The following GRM4 variants were observed in gnomAD, a reference collection of about 807,000 sequenced individuals.
The protein encoded by GRM4 is glutamate metabotropic receptor 4.
GRM4 carries 28 observed loss-of-function variants against 81.7 expected under a neutral mutation model. That is an observed-to-expected ratio of 0.34 (90% CI 0.25 to 0.47). GRM4 has a LOEUF of 0.47. GRM4 is among the 20% of genes least tolerant of loss of function. The pLI, the probability that GRM4 is intolerant of heterozygous loss-of-function variation, is 1.00. For synonymous variants in GRM4, 488 were observed against 528.8 expected, an observed-to-expected ratio of 0.92 and a Z score of 1.06; for missense variants, 948 against 1,290.0, an observed-to-expected ratio of 0.73 and a Z score of 4.06.
rs1767419734 is a variant in GRM4, at chr6:34,078,295, A to G, written c.736+13588T>C. 6.6e-6 allele frequency among the ~76,000 whole-genome samples: 1 copy of G among 151,856 alleles called. No homozygotes were observed. Among genetic ancestry groups the G allele is most frequent in the Admixed American group, 6.6e-5 (1 of 15,256 alleles). ...TTCTTCTCTGTCTCCCCCCAAATAC[A>G]CACTCTCTTCGATCATTGCACAGCC... On this transcript the variant is annotated intron_variant, in intron 3 of 10. Transcript: ENST00000538487. The surrounding 1 kb of genome is among the most constrained non-coding windows in gnomAD (Gnocchi z 4.8).
Position 34,059,429 on chromosome 6 carries a change from C to G in GRM4, c.873-301G>C. On this transcript the variant is annotated intron_variant, in intron 4 of 10. Transcript: ENST00000538487. This position sits in a 1 kb window ranked among gnomAD's most constrained non-coding sequence, Gnocchi z 5.7. ...CTGCAAAGACCACACCTCTCCCCTC[C>G]AGATCCACACCCGCCCCACGTCTGA... 12 of 393,854 alleles carry G rather than the reference C, an allele frequency of 3.0e-5. No individual in the cohort carries two copies. The highest frequency in any genetic ancestry group is 1.8e-4 in the South Asian group (6 of 32,796). 24.4% of individuals were successfully genotyped at this position (393,854 alleles called of 1,614,324 possible).
In GRM4 at chr6:34,036,066, C is replaced by T. The variant is rs950122824; in HGVS notation, c.2044G>A (p.Glu682Lys). The change falls in exon 9 of 11, where the codon GAG becomes AAG. Residue 682 changes from glutamate (E) to lysine (K), a missense_variant. Glu to Lys is a moderately conservative substitution (Grantham distance 56, BLOSUM62 1). Transcript: ENST00000538487. This position sits in a 1 kb window ranked among gnomAD's most constrained non-coding sequence, Gnocchi z 9.0. ...TKTNRIYRIF[E>K]QGKRSVSAPR... ...GCACTGACCGAGCGCTTGCCCTGCT[C>T]GAAGATGCGGTAGATGCGGTTGGTC... 3.7e-6 allele frequency: 6 copies of T among 1,614,020 alleles called. No individual in the cohort carries two copies. The highest frequency in any genetic ancestry group is 1.3e-5 in the African/African-American group (1 of 74,926).
intron 6 of GRM4, among the ~76,000 whole-genome samples, chr6:34,046,486 G>A (rs1765369177): frequency 6.6e-6 from 1 of 152,208 alleles, no homozygotes; most frequent in Non-Finnish European, 1.5e-5. Flanking sequence ...GAGGGGACAG[G>A]GAGGTGAGGT....
intron 5 of GRM4, among the ~76,000 whole-genome samples, chr6:34,057,675 A>G (rs1033170128): frequency 2.6e-5 from 4 of 152,316 alleles, no homozygotes; most frequent in South Asian, 2.1e-4. Context: ...GATAAGGACC[A>G]TTGTTCTAAA....
intron 3 of GRM4, among the ~76,000 whole-genome samples, chr6:34,072,381 TACAC>T (rs1766962407): frequency 8.0e-6 from 1 of 125,696 alleles, no homozygotes; most frequent in African/African-American, 3.1e-5. Flanking sequence ...ACCACACAGA[TACAC>T]AGCACACACA....
intron 6 of GRM4, among the ~76,000 whole-genome samples, chr6:34,045,134 CG>C (rs1562022435): frequency 1.3e-5 from 2 of 152,032 alleles, no homozygotes; most frequent in East Asian, 1.9e-4. Context: ...ACTCCCCTGG[CG>C]GGGTAGCGGG....
intron 3 of GRM4, among the ~76,000 whole-genome samples, chr6:34,084,371 G>A (rs1039820418): frequency 6.6e-6 from 1 of 152,188 alleles, no homozygotes; most frequent in Non-Finnish European, 1.5e-5. Flanking sequence ...TGGGGCAGGG[G>A]CAGAGGGAAG....
At position 34,087,699 on chromosome 6, in the gene GRM4, A is replaced by AC. The variant is rs112740380; in HGVS notation, c.736+4183dup. The stretch of plus-strand genomic sequence containing the variant: ...ACACGTGCCCGCACACACACACACA[A>AC]CCCCCCCCCCACACACACACACACA... On this transcript the variant is annotated intron_variant, in intron 3 of 10. Coordinates refer to ENST00000538487, the MANE Select transcript of GRM4 (RefSeq NM_000841.4). Among the ~76,000 whole-genome samples, 206 of 86,204 alleles carry AC rather than the reference A, an allele frequency of 2.4e-3. 5 individuals carry two copies. Among genetic ancestry groups the AC allele is most frequent in the Middle Eastern group, 6.8e-3 (1 of 146 alleles). 56.6% of individuals were successfully genotyped at this position (86,204 alleles called of 152,430 possible).
intron 1 of GRM4, among the ~76,000 whole-genome samples, chr6:34,138,609 GGT>G (rs1179511615): frequency 6.6e-6 from 1 of 152,222 alleles, no homozygotes; most frequent in African/African-American, 2.4e-5. Context: ...GCTGGGCAGA[GGT>G]GTGGTTTGTA....
chr6:34,125,141 T>G (rs897275417), intron 2 of GRM4, among the ~76,000 whole-genome samples: 4 of 152,114 alleles, frequency 2.6e-5, no homozygotes, highest in Admixed American at 6.5e-5. Context: ...ACCCAGCTAA[T>G]TTTTTGTATT....
At chr6:34,105,168 A>G (rs1282509815) in intron 2 of GRM4, among the ~76,000 whole-genome samples, 1 of 152,186 alleles carries the variant, frequency 6.6e-6, no homozygotes, top group Non-Finnish European at 1.5e-5. Flanking sequence ...ACATGAGCCG[A>G]TAAAAGTCAC....
At chr6:34,093,795 C>A (rs1768372534) in intron 2 of GRM4, among the ~76,000 whole-genome samples, 1 of 152,088 alleles carries the variant, frequency 6.6e-6, no homozygotes, top group Non-Finnish European at 1.5e-5. Flanking sequence ...CTCCGCCTCC[C>A]CTGTGGGAAA....
intron 6 of GRM4, among the ~76,000 whole-genome samples, chr6:34,041,485 C>T (rs1189050889): frequency 2.6e-5 from 4 of 152,196 alleles, no homozygotes; most frequent in African/African-American, 9.7e-5. Flanking sequence ...GCACCGTGAC[C>T]TGGGGTCTGA....
upstream of GRM4, among the ~76,000 whole-genome samples, chr6:34,148,158 C>T (rs1380230449): frequency 6.6e-6 from 1 of 151,846 alleles, no homozygotes; most frequent in African/African-American, 2.4e-5. Context: ...TGGACTCGTC[C>T]AGTTTGCAGG....
chr6:34,062,563 G>A (rs1766240758), intron 3 of GRM4: 1 of 146,894 alleles, frequency 6.8e-6, no homozygotes, highest in Non-Finnish European at 1.5e-5. Flanking sequence ...GAGGGTTAAA[G>A]CTGGGAATAG....
At chr6:34,051,532 G>C (rs906283724) in intron 6 of GRM4, among the ~76,000 whole-genome samples, 5 of 152,028 alleles carry the variant, frequency 3.3e-5, no homozygotes, top group Non-Finnish European at 7.4e-5. Flanking sequence ...GCCTTCCTCC[G>C]CTCAGCCGTC....
In GRM4 at chr6:34,048,842, C is replaced by T. The variant is rs1765475657; in HGVS notation, c.1168+7702G>A. ...TGCTTGCTTCCTCTTCGCCTTCCAC[C>T]ATGATTGTAAGTTTCCTGAGGCCTC... is the stretch of plus-strand genomic sequence containing the variant. On this transcript the variant is annotated intron_variant, in intron 6 of 10. Coordinates refer to ENST00000538487, the MANE Select transcript of GRM4 (RefSeq NM_000841.4). The surrounding 1 kb of genome is among the most constrained non-coding windows in gnomAD (Gnocchi z 4.0). Among the ~76,000 whole-genome samples the T allele has an allele frequency of 6.6e-6, 1 of 152,114 alleles. No homozygotes were observed. The highest frequency in any genetic ancestry group is 1.5e-5 in the Non-Finnish European group (1 of 68,014).
At chr6:34,105,055 G>C (rs1769051247) in intron 2 of GRM4, among the ~76,000 whole-genome samples, 1 of 152,142 alleles carries the variant, frequency 6.6e-6, no homozygotes, top group Non-Finnish European at 1.5e-5. Context: ...CATGGTGTCT[G>C]CCCAGTGCGT....
intron 4 of GRM4, chr6:34,061,618 G>A (rs183712365): frequency 6.6e-5 from 24 of 363,438 alleles, no homozygotes; most frequent in African/African-American, 4.3e-4. Flanking sequence ...CCAAGCTCAC[G>A]GCCTCAGCCC....
Sources: gnomAD v4.1 joint callset for allele counts (sites outside exome capture counted in the v4.1 genomes callset) on GRCh38, gnomAD v4.1.1 for gene constraint, Gnocchi (gnomAD v3.1) non-coding constraint, MANE v1.5 for transcripts, NCBI Gene and HGNC (gene_info 2026-07-23, HGNC 2026-07-21) for gene names.